The following ZFYVE28 variants were observed in gnomAD, a reference collection of about 807,000 sequenced individuals.
ZFYVE28 encodes the protein lateral signaling target protein 2 homolog.
In ZFYVE28, 40 loss-of-function variants were observed where a neutral mutation model predicts 82.1. The ratio of observed to expected loss-of-function variants is 0.49; its 90% CI spans 0.38 to 0.63. The LOEUF is 0.63. ZFYVE28 is among the 30% of genes least tolerant of loss of function. The pLI, the probability that ZFYVE28 is intolerant of heterozygous loss-of-function variation, is 0.00. For missense variants in ZFYVE28, 1,321 were observed against 1,242.1 expected, an observed-to-expected ratio of 1.06 and a Z score of -0.96; for synonymous variants, 612 against 546.1, an observed-to-expected ratio of 1.12 and a Z score of -1.68.
Position 2,270,542 on chromosome 4 carries a change from G to T in ZFYVE28, c.*183C>A. On this transcript the variant is annotated 3_prime_UTR_variant, in exon 13 of 13. Transcript: ENST00000290974. Reference sequence around the variant, plus strand: ...GACCTCTTGTTGGCCCCTGCAGCCGGCCCGGGGTCCCTGCAGGGAGGCTAG... The same window carrying T: ...GACCTCTTGTTGGCCCCTGCAGCCGTCCCGGGGTCCCTGCAGGGAGGCTAG... 1 of 877,972 alleles carries T rather than the reference G, an allele frequency of 1.1e-6. No homozygotes were observed. Among genetic ancestry groups the T allele is most frequent in the Non-Finnish European group, 1.7e-6 (1 of 586,750 alleles). The allele number at this position is 877,972 out of a possible 1,614,324, so 54.4% of individuals were successfully genotyped here. A position where few individuals can be genotyped will look rare whatever the true frequency, so the allele number is the denominator to read the frequency against.
rs1578448193 is a variant in ZFYVE28, at chr4:2,417,328, C to T, written c.39+957G>A. On this transcript the variant is annotated intron_variant, in intron 1 of 12. Coordinates refer to ENST00000290974, the MANE Select transcript of ZFYVE28 (RefSeq NM_020972.3). The surrounding 1 kb of genome is among the most constrained non-coding windows in gnomAD (Gnocchi z 4.8). ...TGCGCCGGGATCCTGAACACCGCCG[C>T]GCCTTCATCCCGCGCCGAGCGCGCC... 6.6e-6 allele frequency among the ~76,000 whole-genome samples: 1 copy of T among 152,116 alleles called. No individual in the cohort carries two copies. Among genetic ancestry groups the T allele is most frequent in the East Asian group, 1.9e-4 (1 of 5,164 alleles).
At chr4:2,363,555 A>G (rs999562817) in intron 1 of ZFYVE28, among the ~76,000 whole-genome samples, 1 of 152,188 alleles carries the variant, frequency 6.6e-6, no homozygotes, top group African/African-American at 2.4e-5. Flanking sequence ...ATGTGCAGTC[A>G]GCAATCCATC....
rs557628901 is a variant in ZFYVE28 at position 2,333,713 on chromosome 4, TGAGTGC to T, written c.701+1986_701+1991del. Among the ~76,000 whole-genome samples, 6 of 152,274 alleles carry T rather than the reference TGAGTGC, an allele frequency of 3.9e-5. No individual in the cohort carries two copies. The East Asian group carries it at 1.2e-3, about 29-fold the overall frequency. On this transcript the variant is annotated intron_variant, in intron 6 of 12. Transcript: ENST00000290974. ...GGACAGCAGAGCTGTTCATTTGCTG[TGAGTGC>T]CCTTGGGACAAGGAGACACCTGTAC... is the stretch of plus-strand genomic sequence containing the variant.
intron 1 of ZFYVE28, among the ~76,000 whole-genome samples, chr4:2,415,451 TAC>T (rs58420760): frequency 1.9e-4 from 28 of 147,076 alleles, no homozygotes; most frequent in South Asian, 4.3e-4. Flanking sequence ...ACCCTGTCTC[TAC>T]ACACACACAC....
At chr4:2,314,743 A>T (rs1717962670) in intron 7 of ZFYVE28, among the ~76,000 whole-genome samples, 1 of 152,168 alleles carries the variant, frequency 6.6e-6, no homozygotes, top group Non-Finnish European at 1.5e-5. Context: ...TACAGTTAAT[A>T]TTCACTTATG....
intron 1 of ZFYVE28, among the ~76,000 whole-genome samples, chr4:2,404,418 G>GC (rs1553866971): frequency 3.3e-5 from 5 of 151,430 alleles, no homozygotes; most frequent in African/African-American, 1.2e-4. Context: ...GCTCATGCCA[G>GC]TGTCATTCAT....
rs539352289 is a variant in ZFYVE28, at chr4:2,275,721, C to T, written c.2052-1505G>A. Among the ~76,000 whole-genome samples, 3 of 152,280 alleles carry T rather than the reference C, an allele frequency of 2.0e-5. No individual in the cohort carries two copies. The East Asian group carries it at 5.8e-4, about 29-fold the overall frequency. ...GGAGCGTCAGCTGGTGCAACCACTT[C>T]GGAAAAAATGTTCGCACCGTTTCAG... is the stretch of plus-strand genomic sequence containing the variant. On this transcript the variant is annotated intron_variant, in intron 8 of 12. Coordinates refer to ENST00000290974, the MANE Select transcript of ZFYVE28 (RefSeq NM_020972.3).
chr4:2,386,330 C>A (rs1017520559), intron 1 of ZFYVE28, among the ~76,000 whole-genome samples: 4 of 152,164 alleles, frequency 2.6e-5, no homozygotes, highest in African/African-American at 9.7e-5. Flanking sequence ...ACCAAAAATA[C>A]AAAATTTAGC....
chr4:2,320,823 G>C lies in ZFYVE28; in HGVS notation c.702-552C>G, dbSNP rs577844066. Among the ~76,000 whole-genome samples, 7 of 152,184 alleles carry C rather than the reference G, an allele frequency of 4.6e-5. No individual in the cohort carries two copies. In the East Asian group the frequency reaches 1.4e-3, roughly 30 times the overall value. ...CCACACAGGACCCACCTCCCTTGTGGTGCCCACCATGCCCCGAGAAGCTCC... is the reference window on the plus strand; with the variant it reads ...CCACACAGGACCCACCTCCCTTGTGCTGCCCACCATGCCCCGAGAAGCTCC... On this transcript the variant is annotated intron_variant, in intron 6 of 12. Coordinates refer to ENST00000290974, the MANE Select transcript of ZFYVE28 (RefSeq NM_020972.3). The surrounding 1 kb of genome is among the most constrained non-coding windows in gnomAD (Gnocchi z 5.1).
Position 2,394,881 on chromosome 4 carries a change from A to T in ZFYVE28, c.39+23404T>A, listed in dbSNP as rs929861266. Among the ~76,000 whole-genome samples, 4 of 152,244 alleles carry T rather than the reference A, an allele frequency of 2.6e-5. No individual in the cohort carries two copies. The highest frequency in any genetic ancestry group is 6.5e-5 in the Admixed American group (1 of 15,292). On this transcript the variant is annotated intron_variant, in intron 1 of 12. Transcript: ENST00000290974. The surrounding 1 kb of genome is among the most constrained non-coding windows in gnomAD (Gnocchi z 4.0). ...GGCAGGTGCCTCGCAAATTCAAGGG[A>T]CTATCATTCAATCTCTTCCCTGCAA... is the stretch of plus-strand genomic sequence containing the variant.
At chr4:2,326,977 T>G (rs1359534457) in intron 6 of ZFYVE28, among the ~76,000 whole-genome samples, 1 of 151,908 alleles carries the variant, frequency 6.6e-6, no homozygotes, top group Non-Finnish European at 1.5e-5. Flanking sequence ...GCCGGCCAGG[T>G]GCAGTGACTC....
chr4:2,350,968 C>A (rs550263588), intron 2 of ZFYVE28, among the ~76,000 whole-genome samples: 3 of 152,318 alleles, frequency 2.0e-5, no homozygotes, highest in South Asian at 2.1e-4. Context: ...TATTCATAAG[C>A]CAGAACCATA....
chr4:2,344,895 T>C (rs770708182), intron 2 of ZFYVE28, among the ~76,000 whole-genome samples: 7 of 150,262 alleles, frequency 4.7e-5, no homozygotes, highest in South Asian at 4.2e-4. Context: ...AAAAAAACTC[T>C]GTCTCAAAAA....
intron 1 of ZFYVE28, among the ~76,000 whole-genome samples, chr4:2,404,525 A>C (rs1479990429): frequency 8.8e-6 from 1 of 113,542 alleles, no homozygotes; most frequent in African/African-American, 3.3e-5. Context: ...CAGCCATAAA[A>C]ATGAAATGCT....
At chr4:2,292,490 G>T (rs1713881836) in intron 8 of ZFYVE28, among the ~76,000 whole-genome samples, 1 of 152,198 alleles carries the variant, frequency 6.6e-6, no homozygotes, top group Admixed American at 6.5e-5. Flanking sequence ...CAGGGCTGTG[G>T]CGAGGGCCAG....
chr4:2,301,887 AAAAG>A (rs1484407924), intron 8 of ZFYVE28, among the ~76,000 whole-genome samples: 1 of 152,202 alleles, frequency 6.6e-6, no homozygotes, highest in Non-Finnish European at 1.5e-5. Context: ...GGCCTCACCC[AAAAG>A]AAAGAGGAGA....
chr4:2,405,331 C>G (rs1286398856), intron 1 of ZFYVE28, among the ~76,000 whole-genome samples: 1 of 152,236 alleles, frequency 6.6e-6, no homozygotes, highest in African/African-American at 2.4e-5. Flanking sequence ...TTACCACCCA[C>G]AGTCCTTGGC....
chr4:2,315,602 C>T (rs993722037), intron 7 of ZFYVE28, among the ~76,000 whole-genome samples: 2 of 152,222 alleles, frequency 1.3e-5, no homozygotes, highest in Non-Finnish European at 2.9e-5. Flanking sequence ...TACGTTATTT[C>T]ACTGCTTGTC....
intron 1 of ZFYVE28, among the ~76,000 whole-genome samples, chr4:2,395,938 C>T (rs184747604): frequency 7.9e-5 from 12 of 151,670 alleles, no homozygotes; most frequent in African/African-American, 2.2e-4. Context: ...GCTAGCAGCA[C>T]CCCCCACACT....
Sources: allele counts gnomAD v4.1 joint callset (sites outside exome capture counted in the v4.1 genomes callset), GRCh38; gene constraint gnomAD v4.1.1; non-coding constraint Gnocchi (gnomAD v3.1); transcripts MANE v1.5; gene names NCBI Gene and HGNC (gene_info 2026-07-23, HGNC 2026-07-21).